AFF2: variants seen among roughly 807,000 people sequenced by gnomAD.
The protein encoded by AFF2 is ALF transcription elongation factor 2.
Under a neutral mutation model 76.9 loss-of-function variants are expected in AFF2, and 14 were observed. The ratio of observed to expected loss-of-function variants is 0.18; its 90% CI spans 0.12 to 0.28. The LOEUF is 0.28. Ranked by LOEUF, AFF2 falls within the 10% of genes least tolerant of loss-of-function variation. The pLI is 1.00. For missense variants in AFF2, 868 were observed against 1,001.1 expected, an observed-to-expected ratio of 0.87 and a Z score of 1.79; for synonymous variants, 398 against 366.7, an observed-to-expected ratio of 1.09 and a Z score of -0.98.
intron 2 of AFF2, among the ~76,000 whole-genome samples, chrX:148,661,072 T>C: frequency 8.9e-6 from 1 of 112,317 alleles, no homozygotes; most frequent in Admixed American, 9.4e-5. Context: ...ATAAAATGAG[T>C]TGGTTGCCTC....
At chrX:148,888,977 A>G (rs1557279414) in intron 8 of AFF2, among the ~76,000 whole-genome samples, 1 of 111,854 alleles carries the variant, frequency 8.9e-6, no homozygotes, top group Non-Finnish European at 1.9e-5. Flanking sequence ...TCGTGCAGAC[A>G]TAGTCCAATA....
At chrX:148,739,736 A>G (rs782513188) in intron 3 of AFF2, among the ~76,000 whole-genome samples, 2 of 110,799 alleles carry the variant, frequency 1.8e-5, no homozygotes, top group African/African-American at 6.6e-5. Flanking sequence ...TTTTCGTTTT[A>G]TAGGTCCTGT....
chrX:148,712,870 G>A (rs1297988558), intron 3 of AFF2, among the ~76,000 whole-genome samples: 1 of 111,681 alleles, frequency 9.0e-6, no homozygotes, highest in African/African-American at 3.3e-5. Context: ...GTGGCAGATG[G>A]ATATCAGAGA....
At chrX:148,693,568 T>C (rs958279231) in intron 3 of AFF2, among the ~76,000 whole-genome samples, 1 of 112,295 alleles carries the variant, frequency 8.9e-6, no homozygotes, top group Admixed American at 9.4e-5. Flanking sequence ...CTTCTACCAC[T>C]TCTCTCCAGA....
chrX:148,719,056 A>G, intron 3 of AFF2: 2 of 1,064,072 alleles, frequency 1.9e-6, no homozygotes, highest in South Asian at 5.5e-5. Flanking sequence ...TGGTGATTCC[A>G]CAACAGTTTT....
chrX:148,513,811 C>A (rs1257479137), intron 1 of AFF2, among the ~76,000 whole-genome samples: 1 of 110,863 alleles, frequency 9.0e-6, no homozygotes, highest in Non-Finnish European at 1.9e-5. Flanking sequence ...CTGGCACATT[C>A]CTGTTGGTAA....
At chrX:148,985,942 G>C (rs782255791) in intron 19 of AFF2, among the ~76,000 whole-genome samples, 2 of 110,653 alleles carry the variant, frequency 1.8e-5, no homozygotes, top group Non-Finnish European at 3.8e-5. Context: ...CAAGAGCATT[G>C]CAGTTGTAAT....
At chrX:148,697,048 A>G (rs1246749557) in intron 3 of AFF2, among the ~76,000 whole-genome samples, 1 of 112,312 alleles carries the variant, frequency 8.9e-6, no homozygotes, top group Non-Finnish European at 1.9e-5. Flanking sequence ...AAAAGAAGAA[A>G]GTTGTTTCCC....
intron 1 of AFF2, among the ~76,000 whole-genome samples, chrX:148,506,469 T>C (rs2052419369): frequency 9.0e-6 from 1 of 111,639 alleles, no homozygotes; most frequent in Non-Finnish European, 1.9e-5. Context: ...TGACCAGCCA[T>C]GGAACTCTGC....
chrX:148,698,641 A>G (rs1557261541), intron 3 of AFF2, among the ~76,000 whole-genome samples: 1 of 112,280 alleles, frequency 8.9e-6, no homozygotes. Flanking sequence ...GCATAAACAA[A>G]TGTTAAACTG....
chrX:148,647,813 C>T (rs1281113285), intron 1 of AFF2, among the ~76,000 whole-genome samples: 1 of 110,896 alleles, frequency 9.0e-6, no homozygotes, highest in Non-Finnish European at 1.9e-5. Context: ...AAAATGAGGG[C>T]ACTGCAACTA....
intron 1 of AFF2, among the ~76,000 whole-genome samples, chrX:148,538,917 C>T (rs2052820983): frequency 9.0e-6 from 1 of 111,454 alleles, no homozygotes; most frequent in Admixed American, 9.5e-5. Flanking sequence ...AGATAGTTTC[C>T]ACTCTGAAGA....
chrX:148,631,724 T>A lies in AFF2; in HGVS notation c.48-20275T>A, dbSNP rs782308015. Among the ~76,000 whole-genome samples the A allele has an allele frequency of 1.2e-4, 14 of 112,437 alleles. No individual in the cohort carries two copies. The East Asian group carries it at 3.7e-3, about 29-fold the overall frequency. On this transcript the variant is annotated intron_variant, in intron 1 of 20. Coordinates refer to ENST00000370460, the MANE Select transcript of AFF2 (RefSeq NM_002025.4). ...GGCATGGGCCAGAACCCGGGAGTTG[T>A]TGAGAAACTGGCTCATAACAGCCTT...
At chrX:148,839,894 G>GGTGTGTGTGTGTGTGTGTGTGTGTGTGT (rs200060298) in intron 5 of AFF2, among the ~76,000 whole-genome samples, 1 of 87,020 alleles carries the variant, frequency 1.1e-5, no homozygotes, top group African/African-American at 4.1e-5. Flanking sequence ...GTTGGGGCAT[G>GGTGTGTGTGTGTGTGTGTGTGTGTGTGT]GTGTGTGTGT....
intron 3 of AFF2, among the ~76,000 whole-genome samples, chrX:148,714,476 TATGTTCATC>T (rs1478716255): frequency 1.8e-5 from 2 of 111,705 alleles, no homozygotes; most frequent in African/African-American, 3.3e-5. Flanking sequence ...TGACCTGCAG[TATGTTCATC>T]ATGTTTATTC....
rs2052337143 is a variant in AFF2, at chrX:148,500,755, C to A, written c.-343C>A. 1 of 97,648 alleles carries A rather than the reference C, an allele frequency of 1.0e-5. No homozygotes were observed. The highest frequency in any genetic ancestry group is 2.1e-5 in the Non-Finnish European group (1 of 47,665). The allele number at this position is 97,648 out of a possible 1,213,427, so 8.0% of individuals were successfully genotyped here. A position where few individuals can be genotyped will look rare whatever the true frequency, so the allele number is the denominator to read the frequency against. On this transcript the variant is annotated 5_prime_UTR_variant, in exon 1 of 21. Coordinates refer to ENST00000370460, the MANE Select transcript of AFF2 (RefSeq NM_002025.4). The stretch of plus-strand genomic sequence containing the variant: ...CCCCCGCCGCCGCTGCCGCCGCCGG[C>A]CCGCAGCCAGCCAGGCGGGCGGCCC...
intron 7 of AFF2, among the ~76,000 whole-genome samples, chrX:148,853,759 C>A (rs1037269434): frequency 9.0e-6 from 1 of 111,714 alleles, no homozygotes; most frequent in Non-Finnish European, 1.9e-5. Context: ...TGTCAGAGAG[C>A]GATAGACTTA....
intron 13 of AFF2, among the ~76,000 whole-genome samples, chrX:148,965,320 G>A (rs1371547139): frequency 8.9e-6 from 1 of 112,283 alleles, no homozygotes; most frequent in African/African-American, 3.2e-5. Context: ...TGGTAATGTT[G>A]AGGGAGAAAA....
intron 7 of AFF2, among the ~76,000 whole-genome samples, chrX:148,860,011 A>G (rs973504681): frequency 1.1e-4 from 12 of 111,352 alleles, no homozygotes; most frequent in Non-Finnish European, 1.7e-4. Context: ...GCTTACTTGT[A>G]TAGGATAAAA....
Sources: gnomAD v4.1 joint callset for allele counts (sites outside exome capture counted in the v4.1 genomes callset) on GRCh38, gnomAD v4.1.1 for gene constraint, MANE v1.5 for transcripts, NCBI Gene and HGNC (gene_info 2026-07-23, HGNC 2026-07-21) for gene names.